Variants in MYRIP observed in about 807,000 individuals in gnomAD.
The protein encoded by MYRIP is rab effector MyRIP.
MYRIP carries 49 observed loss-of-function variants against 98.0 expected under a neutral mutation model. The observed-to-expected ratio is 0.50, with a 90% CI of 0.40 to 0.63. The LOEUF (loss-of-function observed/expected upper bound fraction) is 0.63, where lower values mean the gene tolerates loss of function less well. Ranked by LOEUF, MYRIP falls within the 30% of genes least tolerant of loss-of-function variation. MYRIP has a pLI of 0.00. For missense variants in MYRIP, 1,004 were observed against 1,058.2 expected (o/e 0.95, Z 0.71); for synonymous variants, 404 against 409.5 (o/e 0.99, Z 0.16).
chr3:39,904,256 G>A (rs1943821788), intron 2 of MYRIP, among the ~76,000 whole-genome samples: 1 of 152,014 alleles, frequency 6.6e-6, no homozygotes, highest in African/African-American at 2.4e-5. Flanking sequence ...TTGTTTGTTT[G>A]TTTGTTTGGA....
At chr3:40,135,754 C>T (rs1559415527) in intron 3 of MYRIP, among the ~76,000 whole-genome samples, 1 of 152,220 alleles carries the variant, frequency 6.6e-6, no homozygotes, top group Non-Finnish European at 1.5e-5. Flanking sequence ...AAAGAATTTT[C>T]AACCCAGAAT....
At position 40,259,387 on chromosome 3, in the gene MYRIP, G is replaced by A. The variant is rs1337142449; in HGVS notation, c.*1221G>A. ...TTAGGAAGAAGGTAAAAGAAAGGAG[G>A]CAAGAGAATAGTTATGATGAATATG... On this transcript the variant is annotated 3_prime_UTR_variant, in exon 17 of 17. Transcript: ENST00000302541. 2 of 152,184 alleles carry A rather than the reference G, an allele frequency of 1.3e-5. No homozygotes were observed. Among genetic ancestry groups the A allele is most frequent in the Non-Finnish European group, 2.9e-5 (2 of 68,030 alleles). 9.4% of individuals were successfully genotyped at this position (152,184 alleles called of 1,614,324 possible).
At chr3:39,877,164 A>T (rs889268364) in intron 1 of MYRIP, among the ~76,000 whole-genome samples, 2 of 152,146 alleles carry the variant, frequency 1.3e-5, no homozygotes, top group Non-Finnish European at 2.9e-5. Flanking sequence ...TTCTTCACAT[A>T]GTTCTCGAGC....
At chr3:40,216,695 TC>T (rs939580716) in intron 11 of MYRIP, among the ~76,000 whole-genome samples, 4 of 152,176 alleles carry the variant, frequency 2.6e-5, no homozygotes, top group African/African-American at 9.7e-5. Flanking sequence ...TTGGAAACAT[TC>T]AACACATATT....
intron 2 of MYRIP, among the ~76,000 whole-genome samples, chr3:39,901,795 T>A (rs974978716): frequency 2.0e-5 from 3 of 152,278 alleles, no homozygotes; most frequent in African/African-American, 7.2e-5. Context: ...TTCTTGTCTT[T>A]CATCAAACAA....
intron 3 of MYRIP, among the ~76,000 whole-genome samples, chr3:40,126,013 G>A (rs558905730): frequency 1.5e-4 from 23 of 152,284 alleles, no homozygotes; most frequent in South Asian, 4.2e-4. Flanking sequence ...GTGCTCAAGG[G>A]CCTTCATGCT....
At chr3:40,192,309 C>CATATATATATGACATATATACAT (rs1322376887) in intron 10 of MYRIP, among the ~76,000 whole-genome samples, 1 of 57,954 alleles carries the variant, frequency 1.7e-5, no homozygotes, top group Non-Finnish European at 2.8e-5. Context: ...TAGTTTTCTT[C>CATATATATATGACATATATACAT]ATATATATAT....
chr3:39,891,781 A>C (rs1444207760), intron 1 of MYRIP, among the ~76,000 whole-genome samples: 1 of 152,180 alleles, frequency 6.6e-6, no homozygotes, highest in African/African-American at 2.4e-5. Flanking sequence ...AACATGAAGA[A>C]TAAAAATAAT....
rs542685407 is a variant in MYRIP, at chr3:39,882,139, T to A, written c.-30-18648T>A. ...TTTTTTCTTGTTAGCTTTTTTTTAG[T>A]GAGCTGTAGTATAATGAGTGATGCA... On this transcript the variant is annotated intron_variant, in intron 1 of 16. Coordinates refer to ENST00000302541, the MANE Select transcript of MYRIP (RefSeq NM_015460.4). Among the ~76,000 whole-genome samples the A allele has an allele frequency of 1.1e-4, 17 of 152,284 alleles. No homozygotes were observed. The South Asian group carries it at 3.1e-3, about 28-fold the overall frequency.
intron 2 of MYRIP, among the ~76,000 whole-genome samples, chr3:39,999,961 G>A (rs968609168): frequency 6.1e-5 from 9 of 148,518 alleles, no homozygotes; most frequent in African/African-American, 2.2e-4. Flanking sequence ...TCACTCATAG[G>A]TGGGAATTGA....
intron 12 of MYRIP, among the ~76,000 whole-genome samples, chr3:40,242,865 T>C (rs1953067880): frequency 6.6e-6 from 1 of 152,262 alleles, no homozygotes; most frequent in South Asian, 2.1e-4. Context: ...TTTTTTACCC[T>C]CTAAAGGGAA....
intron 2 of MYRIP, among the ~76,000 whole-genome samples, chr3:40,011,885 C>G (rs1029619538): frequency 6.6e-6 from 1 of 151,976 alleles, no homozygotes; most frequent in African/African-American, 2.4e-5. Flanking sequence ...TAGAGGAATC[C>G]ATTTAAAAAA....
intron 3 of MYRIP, among the ~76,000 whole-genome samples, chr3:40,073,754 T>C (rs1016212530): frequency 6.6e-6 from 1 of 152,226 alleles, no homozygotes; most frequent in Non-Finnish European, 1.5e-5. Flanking sequence ...TCTGCATAGG[T>C]AGTTTCCCAC....
At chr3:39,982,011 A>G (rs1945908804) in intron 2 of MYRIP, among the ~76,000 whole-genome samples, 1 of 152,228 alleles carries the variant, frequency 6.6e-6, no homozygotes, top group African/African-American at 2.4e-5. Context: ...ACACATGACT[A>G]TAGTAAACTG....
intron 1 of MYRIP, among the ~76,000 whole-genome samples, chr3:39,861,611 G>A (rs1277969073): frequency 6.6e-6 from 1 of 152,100 alleles, no homozygotes; most frequent in Non-Finnish European, 1.5e-5. Flanking sequence ...AAATGATACA[G>A]GAGATGAAAT....
chr3:40,096,105 G>T (rs945731276), intron 3 of MYRIP, among the ~76,000 whole-genome samples: 1 of 150,376 alleles, frequency 6.6e-6, no homozygotes, highest in Admixed American at 6.6e-5. Context: ...TGTGACTGCT[G>T]TCCCTTCAAA....
At chr3:39,919,621 TA>T (rs1169738735) in intron 2 of MYRIP, among the ~76,000 whole-genome samples, 1 of 152,060 alleles carries the variant, frequency 6.6e-6, no homozygotes, top group African/African-American at 2.4e-5. Flanking sequence ...TGTAACAATA[TA>T]AACAGATTCG....
intron 2 of MYRIP, among the ~76,000 whole-genome samples, chr3:40,041,508 A>G (rs370078450): frequency 0.032 from 4,793 of 150,718 alleles, 99 homozygotes; most frequent in Non-Finnish European, 0.051. Context: ...ACCATCACAC[A>G]AATCCAAACT....
At chr3:40,186,878 G>A (rs891532447) in intron 9 of MYRIP, among the ~76,000 whole-genome samples, 4 of 152,154 alleles carry the variant, frequency 2.6e-5, no homozygotes, top group African/African-American at 9.7e-5. Context: ...CACAGCATTA[G>A]GAGAATGCCA....
Sources: gnomAD v4.1 joint callset for allele counts (sites outside exome capture counted in the v4.1 genomes callset) on GRCh38, gnomAD v4.1.1 for gene constraint, MANE v1.5 for transcripts, NCBI Gene and HGNC (gene_info 2026-07-23, HGNC 2026-07-21) for gene names.